LMTK2: variants seen among roughly 807,000 people sequenced by gnomAD.
LMTK2 encodes lemur tail kinase 2.
LMTK2 carries 37 observed loss-of-function variants against 127.5 expected under a neutral mutation model. The observed-to-expected ratio is 0.29, with a 90% CI of 0.22 to 0.38. The LOEUF (loss-of-function observed/expected upper bound fraction) is 0.38, where lower values mean the gene tolerates loss of function less well. LMTK2 is among the 10% of genes least tolerant of loss of function. LMTK2 has a pLI of 1.00. For missense variants in LMTK2, 1,694 were observed against 1,920.3 expected (o/e 0.88, Z 2.20); for synonymous variants, 819 against 810.1 (o/e 1.01, Z -0.19).
At chr7:98,150,803 CAAAT>C (rs1332926572) in intron 3 of LMTK2, among the ~76,000 whole-genome samples, 1 of 152,052 alleles carries the variant, frequency 6.6e-6, no homozygotes, top group East Asian at 1.9e-4. Flanking sequence ...TTAGAAAATG[CAAAT>C]TATAGTGCAG....
At chr7:98,111,259 C>T (rs1796197659) in intron 1 of LMTK2, among the ~76,000 whole-genome samples, 1 of 152,206 alleles carries the variant, frequency 6.6e-6, no homozygotes, top group African/African-American at 2.4e-5. Context: ...CTTGGGCCCT[C>T]TCTGGCCCCT....
Position 98,185,112 on chromosome 7 carries a change from G to A in LMTK2, c.853G>A (p.Gly285Arg). The A allele has an allele frequency of 1.2e-6, 2 of 1,611,910 alleles. No individual in the cohort carries two copies. The highest frequency in any genetic ancestry group is 1.7e-6 in the Non-Finnish European group (2 of 1,178,182). Residue 285 changes from glycine to arginine, a missense_variant, in exon 8 of 14, where the codon GGA (glycine) becomes AGA (arginine). By Grantham distance (125) the Gly-to-Arg change is moderately radical. Around this residue, in one of 8 missense-constraint regions of LMTK2, gnomAD observed 47 missense variants for 95.4 expected, o/e 0.49. Coordinates refer to ENST00000297293, the MANE Select transcript of LMTK2 (RefSeq NM_014916.4). ...CTTAAATGTGAAAGTGGGAGATTACGGAATAGGATTCAGCAGGTACAAGGT... is the reference window on the plus strand; with the variant it reads ...CTTAAATGTGAAAGTGGGAGATTACAGAATAGGATTCAGCAGGTACAAGGT... ...SDLNVKVGDY[G>R]IGFSRYKEDY...
At chr7:98,155,841 A>G (rs1305969921) in intron 5 of LMTK2, among the ~76,000 whole-genome samples, 4 of 152,208 alleles carry the variant, frequency 2.6e-5, no homozygotes, top group Non-Finnish European at 5.9e-5. Flanking sequence ...AAAGAACAAA[A>G]ATATGGCTGA....
intron 11 of LMTK2, among the ~76,000 whole-genome samples, chr7:98,202,630 G>C (rs1797719221): frequency 6.6e-6 from 1 of 152,192 alleles, no homozygotes; most frequent in African/African-American, 2.4e-5. Flanking sequence ...TGTGGTTTCA[G>C]TGTCAGCTCC....
At chr7:98,109,760 A>C (rs1048923605) in intron 1 of LMTK2, among the ~76,000 whole-genome samples, 1 of 151,716 alleles carries the variant, frequency 6.6e-6, no homozygotes, top group African/African-American at 2.4e-5. Context: ...AAAAAAAAAA[A>C]AAAGAAAGGA....
rs1362951165 is a variant in LMTK2, at chr7:98,140,120, T to G, written c.232-1277T>G. The stretch of plus-strand genomic sequence containing the variant: ...TTTCTTTCTTTCTTTCTTTCTTTCT[T>G]TCTTTCTTTCTTTCTTTCTTTCTTT... On this transcript the variant is annotated intron_variant, in intron 2 of 13. Coordinates refer to ENST00000297293, the MANE Select transcript of LMTK2 (RefSeq NM_014916.4). Among the ~76,000 whole-genome samples, 8 of 3,406 alleles carry G rather than the reference T, an allele frequency of 2.3e-3. 1 individual carries two copies. The highest frequency in any genetic ancestry group is 8.6e-3 in the African/African-American group (7 of 812). The allele number at this position is 3,406 out of a possible 152,430, so 2.2% of individuals were successfully genotyped here.
intron 6 of LMTK2, among the ~76,000 whole-genome samples, chr7:98,162,433 C>G (rs1257357436): frequency 6.6e-6 from 1 of 152,206 alleles, no homozygotes; most frequent in Non-Finnish European, 1.5e-5. Context: ...AATACTTAGA[C>G]TAAGTATTCA....
In LMTK2 at chr7:98,141,518, C is replaced by T; in HGVS notation, c.353C>T (p.Pro118Leu). Residue 118 changes from proline (P) to leucine (L), a missense_variant, in exon 3 of 14, where the codon CCC (proline) becomes CTC (leucine). Coordinates refer to ENST00000297293, the MANE Select transcript of LMTK2 (RefSeq NM_014916.4). ...LSVPNISLPAPSQFQPSVEGL... is the reference protein window; with the variant it reads ...LSVPNISLPALSQFQPSVEGL... ...GTACCAAATATTTCACTCCCAGCTC[C>T]CTCGCAATTCCAGCCTTCTGTAGGT... 1 of 1,614,108 alleles carries T rather than the reference C, an allele frequency of 6.2e-7. No individual in the cohort carries two copies. Among genetic ancestry groups the T allele is most frequent in the Non-Finnish European group, 8.5e-7 (1 of 1,179,972 alleles).
chr7:98,190,962 T>C (rs1797513890), intron 10 of LMTK2, 85 bp downstream of exon 10: 11 of 1,280,032 alleles, frequency 8.6e-6, no homozygotes, highest in Middle Eastern at 2.0e-4. Context: ...GGGCCAAATA[T>C]TATGTTTCTT....
intron 1 of LMTK2, among the ~76,000 whole-genome samples, chr7:98,118,560 T>A (rs1796320137): frequency 1.3e-5 from 2 of 152,076 alleles, no homozygotes; most frequent in Admixed American, 1.3e-4. Context: ...ATTTCAAACA[T>A]ACAGAAAAAT....
intron 2 of LMTK2, among the ~76,000 whole-genome samples, chr7:98,138,135 C>T (rs981195292): frequency 2.6e-5 from 4 of 152,104 alleles, no homozygotes; most frequent in South Asian, 2.1e-4. Context: ...GGAGTGCATT[C>T]GGCCTATGTA....
intron 7 of LMTK2, among the ~76,000 whole-genome samples, chr7:98,175,043 T>A (rs1193802334): frequency 6.6e-6 from 1 of 152,172 alleles, no homozygotes; most frequent in Non-Finnish European, 1.5e-5. Context: ...CCATTATTCA[T>A]CCCAGTTACA....
intron 1 of LMTK2, among the ~76,000 whole-genome samples, chr7:98,127,495 C>G (rs1466282175): frequency 6.6e-6 from 1 of 152,184 alleles, no homozygotes; most frequent in African/African-American, 2.4e-5. Context: ...TATGCAAATT[C>G]CCTGAGGCAA....
intron 11 of LMTK2, among the ~76,000 whole-genome samples, chr7:98,195,332 A>G (rs909765966): frequency 2.0e-5 from 3 of 152,202 alleles, no homozygotes; most frequent in Non-Finnish European, 2.9e-5. Flanking sequence ...GACACACAGC[A>G]GGAGCGTCTG....
intron 1 of LMTK2, among the ~76,000 whole-genome samples, chr7:98,113,492 C>G (rs188281411): frequency 8.9e-4 from 136 of 152,268 alleles, no homozygotes; most frequent in African/African-American, 3.2e-3. Context: ...AATTCCTGGC[C>G]TCAAGTGATC....
chr7:98,109,920 G>A (rs1195449161), intron 1 of LMTK2, among the ~76,000 whole-genome samples: 1 of 151,976 alleles, frequency 6.6e-6, no homozygotes, highest in Non-Finnish European at 1.5e-5. Context: ...TAGTGAGCTC[G>A]CTGGTTAAAA....
intron 9 of LMTK2, among the ~76,000 whole-genome samples, chr7:98,188,431 T>A (rs1797472423): frequency 6.6e-6 from 1 of 152,122 alleles, no homozygotes; most frequent in African/African-American, 2.4e-5. Context: ...GGGAAAGACT[T>A]TATTTCTCCA....
At chr7:98,184,948 A>C (rs1797410656) in intron 7 of LMTK2, 103 bp from the exon 8 acceptor site, 3 of 788,824 alleles carry the variant, frequency 3.8e-6, no homozygotes. Context: ...AGCTCAATAT[A>C]CTTACTCGGA....
At chr7:98,150,691 C>G (rs1448204902) in intron 3 of LMTK2, among the ~76,000 whole-genome samples, 1 of 152,196 alleles carries the variant, frequency 6.6e-6, no homozygotes, top group Non-Finnish European at 1.5e-5. Context: ...TAAGAATAAA[C>G]TCTAGATACA....
Sources: gnomAD v4.1 joint callset for allele counts (sites outside exome capture counted in the v4.1 genomes callset) on GRCh38, gnomAD v4.1.1 for gene constraint, gnomAD v4.1.1 regional missense constraint, MANE v1.5 for transcripts, NCBI Gene and HGNC (gene_info 2026-07-23, HGNC 2026-07-21) for gene names.